Variants in SLU7 observed in about 807,000 individuals in gnomAD.
The protein encoded by SLU7 is spliceosome associated SLU7.
In SLU7, 60 loss-of-function variants were observed where a neutral mutation model predicts 87.0. The ratio of observed to expected loss-of-function variants is 0.69; its 90% CI spans 0.56 to 0.86. SLU7 has a LOEUF of 0.86. Among genes scored for constraint, SLU7 ranks in the 40% least tolerant of loss-of-function variants. The pLI, the probability that SLU7 is intolerant of heterozygous loss-of-function variation, is 0.00. For synonymous variants in SLU7, 197 were observed against 222.0 expected (o/e 0.89, Z 1.00); for missense variants, 507 against 686.6 (o/e 0.74, Z 2.92).
Position 160,408,236 on chromosome 5 carries a change from A to G in SLU7, c.819+93T>C, listed in dbSNP as rs1199368699. ...GAAACCTTATCTTAGAATGACTCTGACTATATTATCCATATGCTACCCAGA... is the reference window on the plus strand; with the variant it reads ...GAAACCTTATCTTAGAATGACTCTGGCTATATTATCCATATGCTACCCAGA... On this transcript the variant is annotated intron_variant, in intron 8 of 15. Coordinates refer to ENST00000297151, the MANE Select transcript of SLU7 (RefSeq NM_006425.5). The G allele has an allele frequency of 7.4e-6, 10 of 1,355,836 alleles. No individual in the cohort carries two copies. In the African/African-American group the frequency reaches 1.3e-4, roughly 18 times the overall value. The allele number at this position is 1,355,836 out of a possible 1,614,324, so 84.0% of individuals were successfully genotyped here. A position where few individuals can be genotyped will look rare whatever the true frequency, so the allele number is the denominator to read the frequency against.
Position 160,412,520 on chromosome 5 carries a change from CT to C in SLU7, c.571-2del, listed in dbSNP as rs748121189. 56 of 615,312 alleles carry C rather than the reference CT, an allele frequency of 9.1e-5. No homozygotes were observed. The highest frequency in any genetic ancestry group is 4.3e-4 in the Middle Eastern group (1 of 2,332). The allele number at this position is 615,312 out of a possible 1,614,324, so 38.1% of individuals were successfully genotyped here. A position where few individuals can be genotyped will look rare whatever the true frequency, so the allele number is the denominator to read the frequency against. ...TCTGGGCTTTCAATGTTCGTTTTGC[CT>C]TTAAAAAAAAAAAAAAGAAAGAAAG... On this transcript the variant is annotated splice_acceptor_variant, in intron 5 of 15. Transcript: ENST00000297151. LOFTEE classifies it high-confidence loss of function.
chr5:160,418,825 GCA>G (rs1325643153), intron 1 of SLU7, 196 bp downstream of exon 1: 1 of 152,304 alleles, frequency 6.6e-6, no homozygotes, highest in African/African-American at 2.4e-5. Flanking sequence ...CCCTGAAGAC[GCA>G]GGCCTGGCCT....
chr5:160,408,282 G>T, intron 8 of SLU7, 47 bp downstream of exon 8: 1 of 1,573,540 alleles, frequency 6.4e-7, no homozygotes, highest in Admixed American at 1.8e-5. Flanking sequence ...TTTATGCTGG[G>T]AAGACAAGTA....
intron 12 of SLU7, among the ~76,000 whole-genome samples, chr5:160,405,415 C>T (rs1182440070): frequency 6.6e-6 from 1 of 152,172 alleles, no homozygotes; most frequent in East Asian, 1.9e-4. Context: ...AATTCTGGGC[C>T]TATATAACCA....
chr5:160,411,020 C>T (rs1175913201), intron 6 of SLU7, among the ~76,000 whole-genome samples: 2 of 151,870 alleles, frequency 1.3e-5, no homozygotes, highest in Non-Finnish European at 2.9e-5. Context: ...CGCCCGCCAC[C>T]GCGACTGGCT....
chr5:160,402,209 T>A lies in SLU7; in HGVS notation c.*1076A>T, dbSNP rs1307523875. On this transcript the variant is annotated 3_prime_UTR_variant, in exon 16 of 16. Coordinates refer to ENST00000297151, the MANE Select transcript of SLU7 (RefSeq NM_006425.5). ...TTCTACAATTTAAAAAATCTAATAT[T>A]CATGATTGTTACATAGGGGCAATCA... 1 of 152,218 alleles carries A rather than the reference T, an allele frequency of 6.6e-6. No homozygotes were observed. Among genetic ancestry groups the A allele is most frequent in the Non-Finnish European group, 1.5e-5 (1 of 68,038 alleles). The allele number at this position is 152,218 out of a possible 1,614,324, so 9.4% of individuals were successfully genotyped here.
chr5:160,404,262 C>T (rs1369775849), intron 15 of SLU7, among the ~76,000 whole-genome samples, 178 bp downstream of exon 15: 1 of 152,136 alleles, frequency 6.6e-6, no homozygotes, highest in Non-Finnish European at 1.5e-5. Context: ...CTACTTGGGA[C>T]ACTGAGGCAG....
At chr5:160,418,389 T>A (rs1332419724) in intron 1 of SLU7, among the ~76,000 whole-genome samples, 1 of 152,224 alleles carries the variant, frequency 6.6e-6, no homozygotes, top group Non-Finnish European at 1.5e-5. Context: ...AAGTCAGTTC[T>A]CTAAACCAGT....
intron 15 of SLU7, among the ~76,000 whole-genome samples, 162 bp from the exon 16 acceptor site, chr5:160,403,626 A>C (rs1764881037): frequency 6.6e-6 from 1 of 152,256 alleles, no homozygotes; most frequent in South Asian, 2.1e-4. Flanking sequence ...GTCAAGCTAC[A>C]ACTAATCACT....
At position 160,408,309 on chromosome 5, in the gene SLU7, G is replaced by A; in HGVS notation, c.819+20C>T. ...AGACAAGTATTTTTCAAATATGTAT[G>A]TTAAGCTGACAAGACTTACTTTTGC... On this transcript the variant is annotated intron_variant, in intron 8 of 15. Transcript: ENST00000297151. 6.3e-7 allele frequency: 1 copy of A among 1,581,484 alleles called. No homozygotes were observed.
chr5:160,417,368 T>G (rs1421072691), intron 1 of SLU7: 1 of 152,212 alleles, frequency 6.6e-6, no homozygotes, highest in Non-Finnish European at 1.5e-5. Flanking sequence ...ATCCAACATA[T>G]TATAATTGCA....
At chr5:160,412,613 T>A in intron 5 of SLU7, 94 bp from the exon 6 acceptor site, 1 of 711,910 alleles carries the variant, frequency 1.4e-6, no homozygotes, top group Non-Finnish European at 2.3e-6. Context: ...TTTATATATT[T>A]AAAATGAATA....
intron 13 of SLU7, 40 bp downstream of exon 13, chr5:160,404,991 G>T: frequency 6.4e-7 from 1 of 1,551,924 alleles, no homozygotes; most frequent in Non-Finnish European, 8.9e-7. Context: ...TAGGAGCTTC[G>T]GTTGTTTTAT....
rs542431854 is a variant in SLU7 at position 160,407,108 on chromosome 5, A to G, written c.1125+368T>C. On this transcript the variant is annotated intron_variant, in intron 11 of 15. Transcript: ENST00000297151. This position sits in a 1 kb window ranked among gnomAD's most constrained non-coding sequence, Gnocchi z 4.2. Reference sequence around the variant, plus strand: ...ACCCTACTAGAGGATGAAAGACCACATGGGGTGGAGATGAGCTGTCCCAGA... The same window carrying G: ...ACCCTACTAGAGGATGAAAGACCACGTGGGGTGGAGATGAGCTGTCCCAGA... 2.0e-5 allele frequency among the ~76,000 whole-genome samples: 3 copies of G among 152,358 alleles called. No homozygotes were observed. In the East Asian group the frequency reaches 5.8e-4, roughly 29 times the overall value.
Position 160,405,145 on chromosome 5 carries a change from G to C in SLU7, c.1288-10C>G, listed in dbSNP as rs773590775. ...ACGATCCCCAGATATGCTGCAGAGA[G>C]AGAAATTAAAAAGCTTAAAAAGGAA... On this transcript the variant is annotated splice_polypyrimidine_tract_variant and intron_variant, in intron 12 of 15. Transcript: ENST00000297151. The C allele has an allele frequency of 6.3e-7, 1 of 1,591,502 alleles. No individual in the cohort carries two copies. The highest frequency in any genetic ancestry group is 1.7e-5 in the Admixed American group (1 of 59,496).
At chr5:160,411,090 T>G (rs944233439) in intron 6 of SLU7, among the ~76,000 whole-genome samples, 1 of 152,132 alleles carries the variant, frequency 6.6e-6, no homozygotes, top group African/African-American at 2.4e-5. Context: ...ATGGTCTCGA[T>G]CTCCTGACCT....
At position 160,415,879 on chromosome 5, in the gene SLU7, T is replaced by G. The variant is rs541892470; in HGVS notation, c.-16-569A>C. ...ATGTCTTGACTTCCCTGACACTACA[T>G]TCTCTTGGTTTTTCTTTTTCTTTTT... On this transcript the variant is annotated intron_variant, in intron 1 of 15. Transcript: ENST00000297151. Among the ~76,000 whole-genome samples the G allele has an allele frequency of 7.1e-4, 108 of 152,240 alleles. 2 individuals carry two copies. The South Asian group carries it at 0.022, about 31-fold the overall frequency.
At position 160,406,565 on chromosome 5, in the gene SLU7, T is replaced by C; in HGVS notation, c.1190A>G (p.Tyr397Cys). The change falls in exon 12 of 16, where the codon TAT becomes TGT. Residue 397 changes from tyrosine (Y) to cysteine (C), a missense_variant. Coordinates refer to ENST00000297151, the MANE Select transcript of SLU7 (RefSeq NM_006425.5). ...AELLLAQTED[Y>C]VEYSRHGTVI... is the part of the protein sequence containing the mutation. ...TGTCCCATGTCTTGAGTACTCCACATAGTCTTCAGTCTGGGCTAAAAGCAA... is the reference window on the plus strand; with the variant it reads ...TGTCCCATGTCTTGAGTACTCCACACAGTCTTCAGTCTGGGCTAAAAGCAA... 1 of 1,613,544 alleles carries C rather than the reference T, an allele frequency of 6.2e-7. No individual in the cohort carries two copies. Among genetic ancestry groups the C allele is most frequent in the Non-Finnish European group, 8.5e-7 (1 of 1,179,642 alleles).
In SLU7 at chr5:160,412,523, TAAAA is replaced by T; in HGVS notation, c.571-8_571-5del. 1.2e-6 allele frequency: 1 copy of T among 826,870 alleles called. No individual in the cohort carries two copies. The highest frequency in any genetic ancestry group is 1.7e-6 in the Non-Finnish European group (1 of 596,888). 51.2% of individuals were successfully genotyped at this position (826,870 alleles called of 1,614,324 possible). A position where few individuals can be genotyped will look rare whatever the true frequency, so the allele number is the denominator to read the frequency against. On this transcript the variant is annotated splice_polypyrimidine_tract_variant and splice_region_variant and intron_variant, in intron 5 of 15. Transcript: ENST00000297151. ...GGGCTTTCAATGTTCGTTTTGCCTT[TAAAA>T]AAAAAAAAAAGAAAGAAAGAAAGAA...
Sources: allele counts gnomAD v4.1 joint callset (sites outside exome capture counted in the v4.1 genomes callset), GRCh38; gene constraint gnomAD v4.1.1; non-coding constraint Gnocchi (gnomAD v3.1); transcripts MANE v1.5; gene names NCBI Gene and HGNC (gene_info 2026-07-23, HGNC 2026-07-21).